TACR1: variants seen among roughly 807,000 people sequenced by gnomAD.
TACR1 encodes substance-P receptor.
In TACR1, 25 loss-of-function variants were observed where a neutral mutation model predicts 35.8. The ratio of observed to expected loss-of-function variants is 0.70; its 90% CI spans 0.51 to 0.98. The LOEUF (loss-of-function observed/expected upper bound fraction) is 0.98, where lower values mean the gene tolerates loss of function less well. TACR1 is among the 50% of genes least tolerant of loss of function. The pLI, the probability that TACR1 is intolerant of heterozygous loss-of-function variation, is 0.00. For synonymous variants in TACR1, 195 were observed against 206.7 expected (o/e 0.94, Z 0.48); for missense variants, 478 against 522.9 (o/e 0.91, Z 0.84).
Position 75,049,090 on chromosome 2 carries a change from G to T in TACR1, c.*342C>A. 4.0e-6 allele frequency: 1 copy of T among 249,542 alleles called. No individual in the cohort carries two copies. Among genetic ancestry groups the T allele is most frequent in the Non-Finnish European group, 7.7e-6 (1 of 130,696 alleles). 15.5% of individuals were successfully genotyped at this position (249,542 alleles called of 1,614,324 possible). On this transcript the variant is annotated 3_prime_UTR_variant, in exon 5 of 5. Coordinates refer to ENST00000305249, the MANE Select transcript of TACR1 (RefSeq NM_001058.4). ...AAATGAGTCTTCCGGGTCCGCAGCT[G>T]TGCTGCAGAATTCATCCTGAAATGA...
At chr2:75,154,401 A>AGCGCGCTCGCGTGCGCGT (rs142809732) in intron 1 of TACR1, 1 of 76,444 alleles carries the variant, frequency 1.3e-5, no homozygotes, top group African/African-American at 5.8e-5. Flanking sequence ...ATCAGCCAAG[A>AGCGCGCTCGCGTGCGCGT]GCGCGCACGC....
At chr2:75,126,141 TAGTTCCCACTTATA>T (rs1674066950) in intron 1 of TACR1, among the ~76,000 whole-genome samples, 1 of 152,196 alleles carries the variant, frequency 6.6e-6, no homozygotes, top group Admixed American at 6.5e-5. Context: ...TCTCATCATT[TAGTTCCCACTTATA>T]AGTGGGAACA....
chr2:75,120,814 T>A (rs1673954927), intron 1 of TACR1, 46 bp from the exon 2 acceptor site: 1 of 1,462,862 alleles, frequency 6.8e-7, no homozygotes, highest in African/African-American at 1.4e-5. Context: ...GTCACCAAAA[T>A]CTGTATCAGA....
In TACR1 at chr2:75,049,333, T is replaced by G; in HGVS notation, c.*99A>C. ...CTGACCCTTTTTGCAAGTCCCAGTG[T>G]GAGGGTGTTTCTGATGGTTCCAGAT... On this transcript the variant is annotated 3_prime_UTR_variant, in exon 5 of 5. Transcript: ENST00000305249. 7.5e-7 allele frequency: 1 copy of G among 1,340,144 alleles called. No homozygotes were observed. The highest frequency in any genetic ancestry group is 1.0e-6 in the Non-Finnish European group (1 of 973,962). The allele number at this position is 1,340,144 out of a possible 1,614,324, so 83.0% of individuals were successfully genotyped here.
Position 75,162,756 on chromosome 2 carries a change from T to C in TACR1, c.389+35790A>G, listed in dbSNP as rs187291311. On this transcript the variant is annotated intron_variant, in intron 1 of 4. Coordinates refer to ENST00000305249, the MANE Select transcript of TACR1 (RefSeq NM_001058.4). ...TCCACTTTTTTCTGCTTAAAATCTTTTTGCACATTAATTGTATATTACCAT... is the reference window on the plus strand; with the variant it reads ...TCCACTTTTTTCTGCTTAAAATCTTCTTGCACATTAATTGTATATTACCAT... 1.2e-4 allele frequency among the ~76,000 whole-genome samples: 19 copies of C among 152,340 alleles called. No homozygotes were observed. In the East Asian group the frequency reaches 3.7e-3, roughly 29 times the overall value.
intron 1 of TACR1, chr2:75,189,999 A>G (rs1404092931): frequency 6.6e-6 from 1 of 152,220 alleles, no homozygotes; most frequent in Non-Finnish European, 1.5e-5. Flanking sequence ...ATTCTATCTC[A>G]TGTTTAAAGA....
chr2:75,119,717 A>T (rs771854449), intron 2 of TACR1, among the ~76,000 whole-genome samples: 9 of 152,214 alleles, frequency 5.9e-5, no homozygotes, highest in Admixed American at 6.5e-5. Flanking sequence ...ATAAGGTCTC[A>T]ATGCCTGGCC....
chr2:75,178,725 AACT>A (rs1298575945), intron 1 of TACR1, among the ~76,000 whole-genome samples: 4 of 152,124 alleles, frequency 2.6e-5, no homozygotes, highest in African/African-American at 9.7e-5. Context: ...CATTTTACTT[AACT>A]TCTCAGCAGT....
chr2:75,134,983 C>T (rs1674250574), intron 1 of TACR1, among the ~76,000 whole-genome samples: 1 of 152,176 alleles, frequency 6.6e-6, no homozygotes. Context: ...ATGAAAGTTG[C>T]TGGGACCAGG....
intron 1 of TACR1, among the ~76,000 whole-genome samples, chr2:75,136,853 C>T (rs968246572): frequency 6.6e-6 from 1 of 152,194 alleles, no homozygotes; most frequent in African/African-American, 2.4e-5. Context: ...AGGCCACATT[C>T]AGAGCTCCAG....
intron 2 of TACR1, among the ~76,000 whole-genome samples, chr2:75,061,337 G>A (rs1012982724): frequency 2.0e-5 from 3 of 152,198 alleles, no homozygotes; most frequent in East Asian, 1.9e-4. Flanking sequence ...TAGTGGCATC[G>A]TCAGAGAAGG....
chr2:75,162,179 C>T (rs1205974875), intron 1 of TACR1, among the ~76,000 whole-genome samples: 4 of 151,906 alleles, frequency 2.6e-5, no homozygotes, highest in African/African-American at 7.3e-5. Flanking sequence ...TCTGAAAGTG[C>T]ATTTTAGAAT....
intron 1 of TACR1, among the ~76,000 whole-genome samples, chr2:75,143,401 C>T (rs539039927): frequency 5.9e-4 from 90 of 152,256 alleles, no homozygotes; most frequent in Non-Finnish European, 1.2e-3. Flanking sequence ...ATTGAAATGT[C>T]CAAAGAAATT....
chr2:75,112,793 A>G (rs1673776552), intron 2 of TACR1, among the ~76,000 whole-genome samples: 4 of 152,230 alleles, frequency 2.6e-5, no homozygotes, highest in Non-Finnish European at 4.4e-5. Context: ...TAATTTGAAG[A>G]AATATAATAA....
At chr2:75,179,178 A>G (rs990223683) in intron 1 of TACR1, among the ~76,000 whole-genome samples, 3 of 152,194 alleles carry the variant, frequency 2.0e-5, no homozygotes, top group Non-Finnish European at 4.4e-5. Context: ...TGAAATCAGC[A>G]TTCTCCCAGT....
intron 2 of TACR1, among the ~76,000 whole-genome samples, chr2:75,079,596 T>C (rs1673043071): frequency 6.6e-6 from 1 of 152,204 alleles, no homozygotes; most frequent in Non-Finnish European, 1.5e-5. Context: ...CAAAAATACC[T>C]TGTGATTTTC....
chr2:75,161,108 G>A (rs1034167747), intron 1 of TACR1, among the ~76,000 whole-genome samples: 3 of 151,396 alleles, frequency 2.0e-5, no homozygotes, highest in African/African-American at 4.9e-5. Flanking sequence ...AAGAGATCAG[G>A]AAGTATATTC....
chr2:75,058,760 A>G (rs964946359), intron 2 of TACR1, among the ~76,000 whole-genome samples: 3 of 152,270 alleles, frequency 2.0e-5, no homozygotes, highest in Non-Finnish European at 4.4e-5. Flanking sequence ...CAGACCATGT[A>G]GCCTCAAATC....
intron 1 of TACR1, among the ~76,000 whole-genome samples, chr2:75,179,138 T>G (rs1197299001): frequency 1.3e-5 from 2 of 152,226 alleles, no homozygotes; most frequent in Admixed American, 6.5e-5. Context: ...TTGAACCTAT[T>G]TCTTTTCCAG....
Sources: allele counts gnomAD v4.1 joint callset (sites outside exome capture counted in the v4.1 genomes callset), GRCh38; gene constraint gnomAD v4.1.1; transcripts MANE v1.5; gene names NCBI Gene and HGNC (gene_info 2026-07-23, HGNC 2026-07-21).